RIT2: variants seen among roughly 807,000 people sequenced by gnomAD.
RIT2 encodes the protein GTP-binding protein Rit2.
RIT2 carries 24 observed loss-of-function variants against 23.7 expected under a neutral mutation model. The observed-to-expected ratio is 1.01, with a 90% CI of 0.73 to 1.43. RIT2 has a LOEUF of 1.43. Among genes scored for constraint, RIT2 ranks in the 40% most tolerant of loss-of-function variants. The pLI is 0.00. For missense variants in RIT2, 236 were observed against 266.9 expected, an observed-to-expected ratio of 0.88 and a Z score of 0.81; for synonymous variants, 107 against 91.1, an observed-to-expected ratio of 1.17 and a Z score of -0.99.
intron 1 of RIT2, among the ~76,000 whole-genome samples, chr18:43,048,383 G>A (rs1912300459): frequency 6.6e-6 from 1 of 152,146 alleles, no homozygotes; most frequent in Non-Finnish European, 1.5e-5. Flanking sequence ...TTTAGGTTGT[G>A]AGATTACACA....
intron 4 of RIT2, among the ~76,000 whole-genome samples, chr18:42,797,838 G>C (rs1943178): frequency 0.33 from 49,428 of 152,070 alleles, 10,764 homozygotes; most frequent in African/African-American, 0.61. Flanking sequence ...AAATGTTTTA[G>C]AAAATACTGA....
At chr18:42,778,084 G>A (rs1913716912) in intron 4 of RIT2, among the ~76,000 whole-genome samples, 1 of 152,100 alleles carries the variant, frequency 6.6e-6, no homozygotes, top group Non-Finnish European at 1.5e-5. Context: ...AAGCCCTCAT[G>A]CTGCCTATGG....
intron 1 of RIT2, among the ~76,000 whole-genome samples, chr18:43,041,065 A>G (rs1164732858): frequency 2.0e-5 from 3 of 152,106 alleles, no homozygotes; most frequent in Non-Finnish European, 4.4e-5. Flanking sequence ...TCTAGATAGG[A>G]GTACATCTGA....
chr18:43,114,803 C>T, intron 1 of RIT2, among the ~76,000 whole-genome samples: 1 of 152,124 alleles, frequency 6.6e-6, no homozygotes, highest in African/African-American at 2.4e-5. Flanking sequence ...GTGTAGCTTT[C>T]TCCTTTAATT....
chr18:42,743,774 T>A, intron 4 of RIT2, 54 bp from the exon 5 acceptor site: 1 of 1,329,392 alleles, frequency 7.5e-7, no homozygotes, highest in Non-Finnish European at 1.0e-6. Context: ...ACTCTTCAAT[T>A]AAAAATACGT....
intron 4 of RIT2, among the ~76,000 whole-genome samples, chr18:42,838,842 A>C (rs76379965): frequency 0.011 from 1,630 of 152,320 alleles, 22 homozygotes; most frequent in Non-Finnish European, 0.016. Flanking sequence ...ATTTACAACC[A>C]AAAAGAACAA....
chr18:43,026,673 T>C (rs1481246308), intron 2 of RIT2, among the ~76,000 whole-genome samples: 1 of 150,186 alleles, frequency 6.7e-6, no homozygotes, highest in Non-Finnish European at 1.5e-5. Flanking sequence ...AAAAAGTTTT[T>C]CTTTCTTTTT....
chr18:42,790,681 G>A (rs1255441710), intron 4 of RIT2, among the ~76,000 whole-genome samples: 4 of 152,240 alleles, frequency 2.6e-5, no homozygotes, highest in Non-Finnish European at 4.4e-5. Context: ...CACCCGCCTC[G>A]GCCTCCCAAA....
rs77383589 is a variant in RIT2 at position 43,049,947 on chromosome 18, C to A, written c.104-16080G>T. Among the ~76,000 whole-genome samples, 1,264 of 131,958 alleles carry A rather than the reference C, an allele frequency of 9.6e-3. 18 individuals carry two copies. The highest frequency in any genetic ancestry group is 0.034 in the African/African-American group (1,191 of 34,672). 86.6% of individuals were successfully genotyped at this position (131,958 alleles called of 152,430 possible). A position where few individuals can be genotyped will look rare whatever the true frequency, so the allele number is the denominator to read the frequency against. ...AACATTTTAAACTTTCTTCTGAAAG[C>A]AATGGGTAATTGAGAAGGGATTTCC... is the stretch of plus-strand genomic sequence containing the variant. On this transcript the variant is annotated intron_variant, in intron 1 of 4. Coordinates refer to ENST00000326695, the MANE Select transcript of RIT2 (RefSeq NM_002930.4).
intron 3 of RIT2, among the ~76,000 whole-genome samples, chr18:42,966,378 A>G (rs916207116): frequency 3.3e-5 from 5 of 152,212 alleles, no homozygotes; most frequent in Non-Finnish European, 7.4e-5. Flanking sequence ...TTCTATTAAA[A>G]GTATACTTTA....
intron 4 of RIT2, chr18:42,923,318 A>G: frequency 2.6e-6 from 1 of 389,552 alleles, no homozygotes; most frequent in East Asian, 4.4e-5. Flanking sequence ...AATCATTTCT[A>G]CTGTATTCAG....
intron 4 of RIT2, among the ~76,000 whole-genome samples, chr18:42,877,771 A>G (rs1316532253): frequency 6.6e-6 from 1 of 151,746 alleles, no homozygotes; most frequent in African/African-American, 2.4e-5. Context: ...TAGACAAACC[A>G]CAGTCAAAAC....
chr18:43,045,309 A>T lies in RIT2; in HGVS notation c.104-11442T>A, dbSNP rs75440816. ...AGCATTCAGATTTTAAAATGTGTAT[A>T]ATTTGTCACAGGAGTTATTGTAGAT... On this transcript the variant is annotated intron_variant, in intron 1 of 4. Coordinates refer to ENST00000326695, the MANE Select transcript of RIT2 (RefSeq NM_002930.4). Among the ~76,000 whole-genome samples the T allele has an allele frequency of 4.5e-3, 684 of 152,296 alleles. 5 individuals carry two copies. The highest frequency in any genetic ancestry group is 0.016 in the African/African-American group (654 of 41,566).
At chr18:43,000,557 G>C (rs1188456513) in intron 2 of RIT2, among the ~76,000 whole-genome samples, 1 of 151,996 alleles carries the variant, frequency 6.6e-6, no homozygotes, top group Admixed American at 6.6e-5. Context: ...GTTTCGCTCT[G>C]TGTCCTCGCC....
At chr18:42,951,390 A>C (rs1447568129) in intron 3 of RIT2, among the ~76,000 whole-genome samples, 1 of 152,004 alleles carries the variant, frequency 6.6e-6, no homozygotes, top group Non-Finnish European at 1.5e-5. Context: ...ACTCCTGGAC[A>C]TAAAGATACC....
chr18:43,060,537 G>A (rs937628952), intron 1 of RIT2, among the ~76,000 whole-genome samples: 12 of 152,110 alleles, frequency 7.9e-5, no homozygotes, highest in Admixed American at 2.0e-4. Flanking sequence ...ATTCCAGAAC[G>A]TATTGGGTCT....
intron 3 of RIT2, among the ~76,000 whole-genome samples, chr18:42,928,980 A>G (rs1909253155): frequency 6.8e-6 from 1 of 147,620 alleles, no homozygotes; most frequent in South Asian, 2.1e-4. Flanking sequence ...TATGACAGGC[A>G]TGTAAGATTT....
At chr18:42,756,124 C>A (rs1049061304) in intron 4 of RIT2, among the ~76,000 whole-genome samples, 2 of 152,074 alleles carry the variant, frequency 1.3e-5, no homozygotes, top group African/African-American at 4.8e-5. Context: ...AGAGCACAAT[C>A]AGAGGCAATT....
intron 3 of RIT2, among the ~76,000 whole-genome samples, chr18:42,934,712 T>C (rs935600035): frequency 3.3e-5 from 5 of 152,214 alleles, no homozygotes; most frequent in Admixed American, 1.3e-4. Context: ...GTATAGCATA[T>C]GTTTTATTAT....
Sources: gnomAD v4.1 joint callset for allele counts (sites outside exome capture counted in the v4.1 genomes callset) on GRCh38, gnomAD v4.1.1 for gene constraint, MANE v1.5 for transcripts, NCBI Gene and HGNC (gene_info 2026-07-23, HGNC 2026-07-21) for gene names.